The following ARID5B variants were observed in gnomAD, a reference collection of about 807,000 sequenced individuals.
ARID5B encodes AT-rich interactive domain-containing protein 5B.
A neutral mutation model predicts 97.2 loss-of-function variants in ARID5B; 13 were observed. That is an observed-to-expected ratio of 0.13 (90% CI 0.09 to 0.21). The LOEUF is 0.21. Among genes scored for constraint, ARID5B ranks in the 10% least tolerant of loss-of-function variants. The pLI is 1.00. For missense variants in ARID5B, 1,210 were observed against 1,465.3 expected (o/e 0.83, Z 2.84); for synonymous variants, 556 against 570.3 (o/e 0.97, Z 0.36).
intron 7 of ARID5B, among the ~76,000 whole-genome samples, chr10:62,069,441 G>A (rs1162981184): frequency 6.6e-6 from 1 of 152,206 alleles, no homozygotes; most frequent in African/African-American, 2.4e-5. Flanking sequence ...TGAATATCCA[G>A]GGAGGTGTCT....
At chr10:62,027,453 A>C (rs7918533) in intron 4 of ARID5B, among the ~76,000 whole-genome samples, 11,892 of 150,328 alleles carry the variant, frequency 0.079, 730 homozygotes, top group Admixed American at 0.2. Context: ...GGACTGCAGG[A>C]GCCCACCACC....
intron 4 of ARID5B, among the ~76,000 whole-genome samples, chr10:62,023,483 A>AT (rs1204796729): frequency 6.6e-6 from 1 of 152,222 alleles, no homozygotes; most frequent in African/African-American, 2.4e-5. Flanking sequence ...TCACTGCCAC[A>AT]TTTTGAGTCA....
chr10:62,086,868 A>C (rs1840291543), intron 9 of ARID5B, among the ~76,000 whole-genome samples: 1 of 88,844 alleles, frequency 1.1e-5, no homozygotes. Context: ...CTCAAAAAAA[A>C]TGCTTTGGAG....
intron 3 of ARID5B, among the ~76,000 whole-genome samples, chr10:61,978,453 T>G (rs1477908840): frequency 6.6e-6 from 1 of 152,334 alleles, no homozygotes; most frequent in Admixed American, 6.5e-5. Context: ...CCTTGGGCAG[T>G]ATGGCCATTT....
At chr10:61,953,946 T>A (rs1838357120) in intron 3 of ARID5B, among the ~76,000 whole-genome samples, 1 of 152,256 alleles carries the variant, frequency 6.6e-6, no homozygotes, top group Non-Finnish European at 1.5e-5. Context: ...TTATTTCATT[T>A]TATTTAATTC....
At chr10:61,906,200 T>C (rs143355361) in intron 2 of ARID5B, among the ~76,000 whole-genome samples, 44 of 152,294 alleles carry the variant, frequency 2.9e-4, no homozygotes, top group African/African-American at 1.0e-3. Flanking sequence ...TTGTTCTAGA[T>C]ATTCTTAATT....
chr10:61,995,963 CA>C (rs201836069), intron 3 of ARID5B, among the ~76,000 whole-genome samples: 2,940 of 152,246 alleles, frequency 0.019, 28 homozygotes, highest in Non-Finnish European at 0.025. Flanking sequence ...TGTTCATAAG[CA>C]ACAAAGTTAT....
intron 4 of ARID5B, chr10:62,049,297 A>G (rs1839753292): frequency 1.4e-6 from 2 of 1,471,138 alleles, no homozygotes; most frequent in Admixed American, 2.3e-5. Flanking sequence ...GTGTGTTTAC[A>G]TGAGTAATGG....
chr10:62,065,469 T>C (rs1839974379), intron 7 of ARID5B, among the ~76,000 whole-genome samples: 1 of 152,212 alleles, frequency 6.6e-6, no homozygotes, highest in African/African-American at 2.4e-5. Flanking sequence ...GATGTGAATC[T>C]GTCATCTAAT....
intron 2 of ARID5B, among the ~76,000 whole-genome samples, chr10:61,914,507 G>C (rs1843864140): frequency 6.6e-6 from 1 of 152,198 alleles, no homozygotes; most frequent in Non-Finnish European, 1.5e-5. Flanking sequence ...GTCCCAAATG[G>C]AGGGAAAACC....
chr10:61,902,333 A>C lies in ARID5B; in HGVS notation c.196A>C (p.Ser66Arg). ...CCAGCTGTTGTGGGAAGAGAGGACC[A>C]GCCGGCAACTTTTATCCAGCTCTAA... ...ELQLLWEERT[S>R]RQLLSSSKLY... Residue 66 changes from serine (S) to arginine (R), a missense_variant, in exon 2 of 10, where the codon AGC becomes CGC. Transcript: ENST00000279873. 6.2e-7 allele frequency: 1 copy of C among 1,614,202 alleles called. No individual in the cohort carries two copies. Among genetic ancestry groups the C allele is most frequent in the Non-Finnish European group, 8.5e-7 (1 of 1,180,040 alleles).
At chr10:61,925,889 G>A (rs1409913261) in intron 2 of ARID5B, among the ~76,000 whole-genome samples, 1 of 152,182 alleles carries the variant, frequency 6.6e-6, no homozygotes, top group Non-Finnish European at 1.5e-5. Flanking sequence ...AACAAAGCGT[G>A]CCTCAGAGCA....
At chr10:61,920,578 C>T (rs1297874645) in intron 2 of ARID5B, among the ~76,000 whole-genome samples, 3 of 151,994 alleles carry the variant, frequency 2.0e-5, no homozygotes, top group African/African-American at 4.8e-5. Context: ...TCAGGTTATC[C>T]GCCTGCCTTG....
intron 9 of ARID5B, among the ~76,000 whole-genome samples, chr10:62,089,005 A>G (rs899016314): frequency 1.8e-4 from 27 of 152,210 alleles, no homozygotes; most frequent in African/African-American, 6.5e-4. Context: ...TTACAACCCG[A>G]AGCATGGGAC....
intron 2 of ARID5B, among the ~76,000 whole-genome samples, chr10:61,939,833 T>G (rs1844368199): frequency 1.3e-5 from 2 of 152,218 alleles, no homozygotes; most frequent in Non-Finnish European, 2.9e-5. Context: ...TTTTTACATT[T>G]GCAATTAATT....
chr10:61,931,995 C>T (rs1442873720), intron 2 of ARID5B, among the ~76,000 whole-genome samples: 1 of 152,084 alleles, frequency 6.6e-6, no homozygotes, highest in Non-Finnish European at 1.5e-5. Flanking sequence ...AGCAATCTGT[C>T]TCCAAGGTGT....
intron 3 of ARID5B, among the ~76,000 whole-genome samples, chr10:61,973,821 T>TA (rs1432832217): frequency 2.6e-5 from 4 of 152,238 alleles, no homozygotes; most frequent in Admixed American, 6.5e-5. Flanking sequence ...GTATTTCAAA[T>TA]AATTAGGTTG....
At chr10:61,936,452 T>A (rs1440966128) in intron 2 of ARID5B, among the ~76,000 whole-genome samples, 1 of 152,212 alleles carries the variant, frequency 6.6e-6, no homozygotes, top group Non-Finnish European at 1.5e-5. Context: ...ACCCTGTCTC[T>A]ACTAAAAGTA....
At chr10:62,047,176 A>G (rs1839721146) in intron 4 of ARID5B, among the ~76,000 whole-genome samples, 1 of 152,164 alleles carries the variant, frequency 6.6e-6, no homozygotes, top group Admixed American at 6.5e-5. Flanking sequence ...CCTGGTCTGT[A>G]AGATGGGGAT....
Sources: gnomAD v4.1 joint callset for allele counts (sites outside exome capture counted in the v4.1 genomes callset) on GRCh38, gnomAD v4.1.1 for gene constraint, MANE v1.5 for transcripts, NCBI Gene and HGNC (gene_info 2026-07-23, HGNC 2026-07-21) for gene names.